Variants in NEBL observed in about 807,000 individuals in gnomAD.
NEBL encodes LIM and SH3 protein 2.
In NEBL, 122 loss-of-function variants were observed where a neutral mutation model predicts 140.2. That is an observed-to-expected ratio of 0.87 (90% CI 0.75 to 1.01). NEBL has a LOEUF of 1.01. Ranked by LOEUF, NEBL falls within the 50% of genes least tolerant of loss-of-function variation. NEBL has a pLI of 0.00. For missense variants in NEBL, 1,365 were observed against 1,231.3 expected, an observed-to-expected ratio of 1.11 and a Z score of -1.62; for synonymous variants, 436 against 398.9, an observed-to-expected ratio of 1.09 and a Z score of -1.11.
intron 2 of NEBL, among the ~76,000 whole-genome samples, chr10:21,108,679 C>T (rs547900543): frequency 7.9e-5 from 12 of 152,054 alleles, no homozygotes; most frequent in Admixed American, 1.3e-4. Flanking sequence ...CTATTAGGTC[C>T]GCTTGGTCCA....
At chr10:20,988,362 A>G (rs1269987739) in intron 3 of NEBL, among the ~76,000 whole-genome samples, 1 of 152,098 alleles carries the variant, frequency 6.6e-6, no homozygotes, top group Non-Finnish European at 1.5e-5. Flanking sequence ...CTCATTTTCA[A>G]TTGATAATAA....
chr10:20,966,197 T>A (rs1019331317), intron 3 of NEBL, among the ~76,000 whole-genome samples: 2 of 152,234 alleles, frequency 1.3e-5, no homozygotes, highest in Non-Finnish European at 2.9e-5. Context: ...GTGTTGACAT[T>A]CTACGTGTCT....
intron 3 of NEBL, among the ~76,000 whole-genome samples, chr10:20,991,710 C>A (rs893164342): frequency 2.8e-4 from 43 of 151,492 alleles, no homozygotes; most frequent in Non-Finnish European, 2.8e-4. Context: ...GACCTCATTG[C>A]CCAGGTAGTG....
At chr10:21,257,682 G>A (rs1314043431) in intron 1 of NEBL, among the ~76,000 whole-genome samples, 1 of 151,960 alleles carries the variant, frequency 6.6e-6, no homozygotes, top group African/African-American at 2.4e-5. Context: ...TCAGGAGATC[G>A]AGACCATCCT....
At position 20,809,721 on chromosome 10, in the gene NEBL, C is replaced by CA. The variant is rs1243307223; in HGVS notation, c.2611+84dup. On this transcript the variant is annotated intron_variant, in intron 25 of 27. Coordinates refer to ENST00000377122, the MANE Select transcript of NEBL (RefSeq NM_006393.3). Reference sequence around the variant, plus strand: ...TCTCAGCTTTAAAATTTACATTACACAGTACAATGAACCTCTACAGTTCAC... The same window carrying CA: ...TCTCAGCTTTAAAATTTACATTACACAAGTACAATGAACCTCTACAGTTCAC... The CA allele has an allele frequency of 3.2e-5, 35 of 1,089,590 alleles. No homozygotes were observed. In the South Asian group the frequency reaches 3.4e-4, roughly 11 times the overall value. 67.5% of individuals were successfully genotyped at this position (1,089,590 alleles called of 1,614,324 possible).
chr10:21,020,479 C>T (rs570091146), intron 2 of NEBL, among the ~76,000 whole-genome samples: 87 of 152,222 alleles, frequency 5.7e-4, no homozygotes, highest in African/African-American at 1.8e-3. Context: ...TAACCTCCAC[C>T]GTTCCTGCAC....
chr10:21,230,055 G>C (rs1842225112), intron 3 of NEBL, among the ~76,000 whole-genome samples: 1 of 152,138 alleles, frequency 6.6e-6, no homozygotes, highest in Admixed American at 6.5e-5. Flanking sequence ...CATCTCTTGG[G>C]TTAGAGATTC....
chr10:20,817,555 A>C, intron 21 of NEBL, 45 bp downstream of exon 21: 2 of 1,369,690 alleles, frequency 1.5e-6, no homozygotes, highest in Non-Finnish European at 2.1e-6. Flanking sequence ...ACACGTGGAC[A>C]ATGCATTTGA....
At chr10:21,227,713 T>TTCTTCTTCTTTCTTCTC (rs1842180073) in intron 3 of NEBL, among the ~76,000 whole-genome samples, 2 of 63,680 alleles carry the variant, frequency 3.1e-5, no homozygotes, top group Non-Finnish European at 6.3e-5. Flanking sequence ...TCTTCTTCTT[T>TTCTTCTTCTTTCTTCTC]CTTCTTCTTC....
intron 14 of NEBL, among the ~76,000 whole-genome samples, chr10:20,835,089 A>G (rs1840745065): frequency 6.6e-6 from 1 of 152,252 alleles, no homozygotes; most frequent in Non-Finnish European, 1.5e-5. Flanking sequence ...GCAATCAGAC[A>G]GGAATGACTA....
intron 2 of NEBL, among the ~76,000 whole-genome samples, chr10:21,048,949 G>T (rs1281678140): frequency 6.6e-6 from 1 of 152,178 alleles, no homozygotes; most frequent in Non-Finnish European, 1.5e-5. Flanking sequence ...GGTGGAGGTT[G>T]CAGTGAGCCA....
chr10:20,820,872 T>C (rs1030419497), intron 19 of NEBL, among the ~76,000 whole-genome samples: 1 of 151,634 alleles, frequency 6.6e-6, no homozygotes, highest in Admixed American at 6.6e-5. Context: ...GAAAAAGAAA[T>C]AGACTTAAGA....
intron 2 of NEBL, among the ~76,000 whole-genome samples, chr10:21,100,377 C>G (rs746921202): frequency 2.7e-4 from 41 of 152,164 alleles, no homozygotes; most frequent in Non-Finnish European, 5.4e-4. Context: ...GGAGCTCACT[C>G]GCAAACTCTG....
chr10:21,163,295 G>A (rs1840631471), intron 2 of NEBL, among the ~76,000 whole-genome samples: 1 of 152,198 alleles, frequency 6.6e-6, no homozygotes, highest in African/African-American at 2.4e-5. Context: ...AAATAACTGT[G>A]GTGGCAGGAA....
At chr10:20,910,513 G>A (rs1848284167) in intron 4 of NEBL, among the ~76,000 whole-genome samples, 1 of 152,176 alleles carries the variant, frequency 6.6e-6, no homozygotes, top group Non-Finnish European at 1.5e-5. Flanking sequence ...CAGAAGAGAT[G>A]TGAAGGCAGC....
chr10:20,999,985 A>T (rs1323306219), intron 3 of NEBL, among the ~76,000 whole-genome samples: 1 of 151,976 alleles, frequency 6.6e-6, no homozygotes, highest in Non-Finnish European at 1.5e-5. Flanking sequence ...GATTTCCAGC[A>T]ATGTAGTCAT....
intron 20 of NEBL, among the ~76,000 whole-genome samples, chr10:20,818,250 G>A (rs1838935753): frequency 6.7e-6 from 1 of 148,866 alleles, no homozygotes; most frequent in Non-Finnish European, 1.5e-5. Flanking sequence ...TGTTTGTATT[G>A]GTGAAAGTTC....
At chr10:20,946,607 G>A (rs1377094282) in intron 4 of NEBL, among the ~76,000 whole-genome samples, 6 of 152,098 alleles carry the variant, frequency 3.9e-5, no homozygotes, top group Admixed American at 3.3e-4. Flanking sequence ...GACTACAGGT[G>A]CACGTCACCA....
chr10:20,809,907 A>G lies in NEBL; in HGVS notation c.2519-9T>C. 7.5e-6 allele frequency: 12 copies of G among 1,601,466 alleles called. No individual in the cohort carries two copies. The highest frequency in any genetic ancestry group is 1.0e-5 in the Non-Finnish European group (12 of 1,168,798). ...GCGCCAAACTTTGAGGTCTTTTGCC[A>G]AAAGGAAGAAATCAACACTCATCAA... is the stretch of plus-strand genomic sequence containing the variant. On this transcript the variant is annotated splice_polypyrimidine_tract_variant and intron_variant, in intron 24 of 27. Coordinates refer to ENST00000377122, the MANE Select transcript of NEBL (RefSeq NM_006393.3).
Sources: allele counts gnomAD v4.1 joint callset (sites outside exome capture counted in the v4.1 genomes callset), GRCh38; gene constraint gnomAD v4.1.1; transcripts MANE v1.5; gene names NCBI Gene and HGNC (gene_info 2026-07-23, HGNC 2026-07-21).